LEF1: variants seen among roughly 807,000 people sequenced by gnomAD.
LEF1 encodes the protein lymphoid enhancer-binding factor 1.
Under a neutral mutation model 51.2 loss-of-function variants are expected in LEF1, and 14 were observed. The observed-to-expected ratio is 0.27, with a 90% CI of 0.18 to 0.43. The LOEUF is 0.43. Among genes scored for constraint, LEF1 ranks in the 20% least tolerant of loss-of-function variants. The probability of loss-of-function intolerance (pLI) is 1.00; values close to 1 mark genes in which losing one functional copy is unlikely to be tolerated. For missense variants in LEF1, 386 were observed against 512.0 expected (o/e 0.75, Z 2.37); for synonymous variants, 185 against 183.2 (o/e 1.01, Z -0.08).
intron 3 of LEF1, among the ~76,000 whole-genome samples, chr4:108,111,927 G>A (rs2110316268): frequency 6.6e-6 from 1 of 152,224 alleles, no homozygotes; most frequent in Non-Finnish European, 1.5e-5. Context: ...TAAAAGTACT[G>A]ACATACAAAA....
chr4:108,107,406 T>A (rs567781702), intron 3 of LEF1, among the ~76,000 whole-genome samples: 1 of 152,240 alleles, frequency 6.6e-6, no homozygotes, highest in South Asian at 2.1e-4. Flanking sequence ...ACCACAATAT[T>A]AACTTGTGAG....
intron 9 of LEF1, among the ~76,000 whole-genome samples, chr4:108,065,502 C>A (rs532103268): frequency 6.6e-6 from 1 of 152,140 alleles, no homozygotes; most frequent in East Asian, 1.9e-4. Flanking sequence ...AAAATAATAA[C>A]AATCTTGAAA....
At chr4:108,057,872 CT>C (rs1376802677) in intron 11 of LEF1, among the ~76,000 whole-genome samples, 592 of 142,964 alleles carry the variant, frequency 4.1e-3, no homozygotes, top group African/African-American at 5.6e-3. Flanking sequence ...TTTTTTTTAT[CT>C]TTTTTTTTTT....
intron 11 of LEF1, among the ~76,000 whole-genome samples, chr4:108,057,035 G>T (rs1056074525): frequency 2.6e-5 from 4 of 151,896 alleles, no homozygotes; most frequent in Non-Finnish European, 5.9e-5. Context: ...CCTGGCTGCC[G>T]TGCGACACTT....
chr4:108,149,458 CAAAAAA>C (rs371482539), intron 3 of LEF1, among the ~76,000 whole-genome samples: 1 of 60,606 alleles, frequency 1.7e-5, no homozygotes, highest in Non-Finnish European at 2.9e-5. Flanking sequence ...GACTCCGTCT[CAAAAAA>C]AAAAAAAAAA....
chr4:108,153,833 G>C (rs1159977195), intron 3 of LEF1, among the ~76,000 whole-genome samples: 5 of 152,160 alleles, frequency 3.3e-5, no homozygotes, highest in African/African-American at 1.2e-4. Context: ...TGTTACAGAA[G>C]ATTATTTATT....
intron 3 of LEF1, among the ~76,000 whole-genome samples, chr4:108,097,293 G>T (rs1342257400): frequency 1.3e-5 from 2 of 152,174 alleles, no homozygotes; most frequent in South Asian, 2.1e-4. Flanking sequence ...CAACAACATG[G>T]ATGGAACTGG....
chr4:108,089,600 A>G (rs1197493592), intron 3 of LEF1, among the ~76,000 whole-genome samples: 1 of 152,238 alleles, frequency 6.6e-6, no homozygotes, highest in Non-Finnish European at 1.5e-5. Flanking sequence ...GGTTAAGTCA[A>G]TAAAGAGCGA....
At chr4:108,106,527 A>G (rs1399886854) in intron 3 of LEF1, among the ~76,000 whole-genome samples, 1 of 152,160 alleles carries the variant, frequency 6.6e-6, no homozygotes, top group Non-Finnish European at 1.5e-5. Context: ...TGTCCAGTGG[A>G]AGCAAGCCAG....
At chr4:108,054,285 C>T (rs1244541765) in intron 11 of LEF1, among the ~76,000 whole-genome samples, 6 of 152,264 alleles carry the variant, frequency 3.9e-5, no homozygotes, top group East Asian at 3.9e-4. Context: ...ATGTGGGAGA[C>T]GTATGTGCAG....
chr4:108,078,416 G>T (rs1403053040), intron 7 of LEF1, 34 bp from the exon 8 acceptor site: 3 of 1,613,962 alleles, frequency 1.9e-6, no homozygotes, highest in East Asian at 4.5e-5. Flanking sequence ...TTAGGGGAAG[G>T]GGTTGAAGGA....
At chr4:108,093,935 C>T (rs1240201691) in intron 3 of LEF1, among the ~76,000 whole-genome samples, 1 of 152,186 alleles carries the variant, frequency 6.6e-6, no homozygotes, top group Non-Finnish European at 1.5e-5. Flanking sequence ...GCACTTTATC[C>T]TCACAACAGC....
intron 11 of LEF1, among the ~76,000 whole-genome samples, chr4:108,060,056 G>T (rs568527540): frequency 6.6e-6 from 1 of 152,194 alleles, no homozygotes; most frequent in South Asian, 2.1e-4. Context: ...CTGTAGTCTG[G>T]CAAACAAGGA....
At chr4:108,126,961 T>C (rs954475586) in intron 3 of LEF1, among the ~76,000 whole-genome samples, 1 of 151,936 alleles carries the variant, frequency 6.6e-6, no homozygotes, top group African/African-American at 2.4e-5. Context: ...TGTAATCTAA[T>C]GAGGGGGATG....
At chr4:108,158,534 C>G (rs1744872775) in intron 3 of LEF1, among the ~76,000 whole-genome samples, 1 of 152,126 alleles carries the variant, frequency 6.6e-6, no homozygotes, top group Non-Finnish European at 1.5e-5. Flanking sequence ...TTGCTACAGA[C>G]AGTGCTGGCA....
chr4:108,074,517 TA>T (rs1207369901), intron 8 of LEF1, among the ~76,000 whole-genome samples: 2 of 152,192 alleles, frequency 1.3e-5, no homozygotes, highest in African/African-American at 4.8e-5. Context: ...AGAGATATAG[TA>T]AAGATGAATA....
At chr4:108,123,443 T>G (rs1377873947) in intron 3 of LEF1, among the ~76,000 whole-genome samples, 2 of 148,600 alleles carry the variant, frequency 1.3e-5, no homozygotes, top group African/African-American at 2.5e-5. Context: ...TTTTTTTTTT[T>G]TTTTTTTTTT....
At chr4:108,097,555 G>GT (rs1364235462) in intron 3 of LEF1, among the ~76,000 whole-genome samples, 3 of 152,118 alleles carry the variant, frequency 2.0e-5, no homozygotes. Flanking sequence ...TTTATCGTAA[G>GT]TTTTAAAATA....
chr4:108,164,499 A>G (rs1745262025), intron 2 of LEF1, among the ~76,000 whole-genome samples: 1 of 152,210 alleles, frequency 6.6e-6, no homozygotes, highest in Non-Finnish European at 1.5e-5. Context: ...TAAAGTCACA[A>G]AGAATTCTCC....
Sources: gnomAD v4.1 joint callset for allele counts (sites outside exome capture counted in the v4.1 genomes callset) on GRCh38, gnomAD v4.1.1 for gene constraint, MANE v1.5 for transcripts, NCBI Gene and HGNC (gene_info 2026-07-23, HGNC 2026-07-21) for gene names.